The following ANKRD30B variants were observed in gnomAD, a reference collection of about 807,000 sequenced individuals.
ANKRD30B encodes ankyrin repeat domain 30B.
A neutral mutation model predicts 202.2 loss-of-function variants in ANKRD30B; 144 were observed. The observed-to-expected ratio is 0.71, with a 90% CI of 0.62 to 0.82. ANKRD30B has a LOEUF of 0.82. Among genes scored for constraint, ANKRD30B ranks in the 40% least tolerant of loss-of-function variants. The pLI is 0.00. For missense variants in ANKRD30B, 1,487 were observed against 1,669.1 expected (o/e 0.89, Z 1.90); for synonymous variants, 508 against 561.3 (o/e 0.91, Z 1.34).
At chr18:14,900,464 ATCT>A in the ANKRD30B span, among the ~76,000 whole-genome samples, 1 of 151,990 alleles carries the variant, frequency 6.6e-6, no homozygotes, top group African/African-American at 2.4e-5. Flanking sequence ...TTCTTGTCAT[ATCT>A]TTGCCCCTTA....
At chr18:14,934,258 C>A in the ANKRD30B span, among the ~76,000 whole-genome samples, 1 of 152,240 alleles carries the variant, frequency 6.6e-6, no homozygotes, top group Non-Finnish European at 1.5e-5. Context: ...AGGGGCCATG[C>A]ATGGGCAGGG....
At chr18:14,858,999 C>A (rs1422521354), downstream of ANKRD30B, among the ~76,000 whole-genome samples, 2 of 92,834 alleles carry the variant, frequency 2.2e-5, no homozygotes, top group East Asian at 5.5e-4. Context: ...GGCAGCTGGG[C>A]AAAGGCGCTC....
the ANKRD30B span, among the ~76,000 whole-genome samples, chr18:14,901,034 A>G: frequency 6.6e-6 from 1 of 152,242 alleles, no homozygotes; most frequent in Non-Finnish European, 1.5e-5. Context: ...TAAAATGTAC[A>G]TAAAACTCCA....
At chr18:14,763,200 A>G (rs934675083) in intron 6 of ANKRD30B, among the ~76,000 whole-genome samples, 2 of 152,114 alleles carry the variant, frequency 1.3e-5, no homozygotes, top group African/African-American at 2.4e-5. Context: ...TGCCATTACC[A>G]TATTCAGCAT....
At chr18:14,775,947 A>G (rs1967325855) in intron 9 of ANKRD30B, among the ~76,000 whole-genome samples, 1 of 152,260 alleles carries the variant, frequency 6.6e-6, no homozygotes, top group Non-Finnish European at 1.5e-5. Flanking sequence ...ATGTGATGAA[A>G]TAATGTTTTA....
At chr18:14,881,200 A>G in the ANKRD30B span, among the ~76,000 whole-genome samples, 1 of 152,168 alleles carries the variant, frequency 6.6e-6, no homozygotes, top group Non-Finnish European at 1.5e-5. Flanking sequence ...TTCCCCATTC[A>G]GTATTATGTT....
intron 24 of ANKRD30B, among the ~76,000 whole-genome samples, chr18:14,805,679 T>C (rs760436290): frequency 2.1e-4 from 32 of 150,980 alleles, no homozygotes; most frequent in Non-Finnish European, 4.4e-4. Flanking sequence ...TGTAATGATA[T>C]AAATTATTAT....
the ANKRD30B span, chr18:14,905,347 T>C: frequency 3.9e-5 from 6 of 152,366 alleles, no homozygotes; most frequent in East Asian, 1.2e-3. Context: ...CTGACCTCTT[T>C]CCAGTAACAC....
rs1451496017 is a variant in ANKRD30B at position 14,822,678 on chromosome 18, G to A, written c.2743+1G>A. ...AAGGACAGAGAAACATTCAAAGCAG[G>A]TAAATTTTGTAATTTTAATTTTACT... On this transcript the variant is annotated splice_donor_variant, in intron 32 of 43. Coordinates refer to ENST00000690538, the MANE Select transcript of ANKRD30B (RefSeq NM_001367607.2). LOFTEE classifies it high-confidence loss of function. 2.2e-6 allele frequency: 3 copies of A among 1,343,558 alleles called. No homozygotes were observed. Among genetic ancestry groups the A allele is most frequent in the South Asian group, 1.4e-5 (1 of 71,098 alleles). The allele number at this position is 1,343,558 out of a possible 1,614,324, so 83.2% of individuals were successfully genotyped here. A position where few individuals can be genotyped will look rare whatever the true frequency, so the allele number is the denominator to read the frequency against.
the ANKRD30B span, among the ~76,000 whole-genome samples, chr18:14,864,678 G>A: frequency 8.8e-6 from 1 of 113,940 alleles, no homozygotes; most frequent in African/African-American, 3.5e-5. Context: ...ATCCTCTTTT[G>A]CTCCTTCAAC....
the ANKRD30B span, among the ~76,000 whole-genome samples, chr18:14,871,408 G>T: frequency 1.3e-5 from 2 of 151,310 alleles, no homozygotes; most frequent in Admixed American, 6.6e-5. Context: ...GTGCAGCCTC[G>T]TACTCTGTGC....
intron 32 of ANKRD30B, among the ~76,000 whole-genome samples, chr18:14,826,606 A>C (rs1167286361): frequency 2.0e-5 from 3 of 151,274 alleles, no homozygotes; most frequent in South Asian, 2.1e-4. Context: ...TGTGAGGAAA[A>C]GTGTTGTCTT....
At chr18:14,759,923 G>T (rs925386664) in intron 5 of ANKRD30B, among the ~76,000 whole-genome samples, 7 of 152,148 alleles carry the variant, frequency 4.6e-5, no homozygotes, top group African/African-American at 1.7e-4. Flanking sequence ...TTTATTTTTT[G>T]TAGAGACAGG....
chr18:14,847,050 T>TTTTATA (rs1555672629), intron 39 of ANKRD30B, among the ~76,000 whole-genome samples: 23 of 111,100 alleles, frequency 2.1e-4, no homozygotes, highest in African/African-American at 5.5e-4. Flanking sequence ...TGATTTAGTT[T>TTTTATA]TATATATATA....
At chr18:14,826,727 A>ACACACACACACAC (rs1472785630) in intron 32 of ANKRD30B, among the ~76,000 whole-genome samples, 7 of 148,500 alleles carry the variant, frequency 4.7e-5, no homozygotes, top group South Asian at 2.2e-4. Context: ...ACACACACAC[A>ACACACACACACAC]AGTACAGTAA....
chr18:14,918,879 CAT>C, the ANKRD30B span, among the ~76,000 whole-genome samples: 1 of 152,284 alleles, frequency 6.6e-6, no homozygotes, highest in East Asian at 1.9e-4. Context: ...ACAGAGCTAT[CAT>C]GTGTGGGTTA....
intron 33 of ANKRD30B, among the ~76,000 whole-genome samples, 194 bp from the exon 34 acceptor site, chr18:14,831,189 A>AAAAACAAAAC (rs1555668392): frequency 6.6e-6 from 1 of 150,762 alleles, no homozygotes; most frequent in African/African-American, 2.4e-5. Flanking sequence ...CGGAAAAAAA[A>AAAAACAAAAC]AAAAAAAAAA....
the ANKRD30B span, among the ~76,000 whole-genome samples, chr18:14,887,024 T>G: frequency 6.6e-6 from 1 of 152,142 alleles, no homozygotes; most frequent in Non-Finnish European, 1.5e-5. Flanking sequence ...TCTATAAATG[T>G]ATTACCAAAT....
intron 16 of ANKRD30B, among the ~76,000 whole-genome samples, chr18:14,793,035 C>G (rs1265603327): frequency 1.3e-5 from 2 of 152,024 alleles, no homozygotes; most frequent in Non-Finnish European, 2.9e-5. Flanking sequence ...ACAAATACAT[C>G]AATATTGAGG....
Sources: gnomAD v4.1 joint callset for allele counts (sites outside exome capture counted in the v4.1 genomes callset) on GRCh38, gnomAD v4.1.1 for gene constraint, MANE v1.5 for transcripts, NCBI Gene and HGNC (gene_info 2026-07-23, HGNC 2026-07-21) for gene names.